The following MYT1L variants were observed in gnomAD, a reference collection of about 807,000 sequenced individuals.
The protein encoded by MYT1L is myelin transcription factor 1-like protein.
Under a neutral mutation model 126.7 loss-of-function variants are expected in MYT1L, and 12 were observed. The ratio of observed to expected loss-of-function variants is 0.09; its 90% confidence interval spans 0.06 to 0.15. MYT1L has a LOEUF of 0.15. MYT1L is among the 10% of genes least tolerant of loss of function. The pLI, the probability that MYT1L is intolerant of heterozygous loss-of-function variation, is 1.00. For synonymous variants in MYT1L, 541 were observed against 604.2 expected (o/e 0.90, Z 1.53); for missense variants, 979 against 1,585.2 (o/e 0.62, Z 6.49).
intron 2 of MYT1L, among the ~76,000 whole-genome samples, chr2:2,243,611 G>C (rs1294387562): frequency 6.6e-6 from 1 of 152,132 alleles, no homozygotes; most frequent in Non-Finnish European, 1.5e-5. Flanking sequence ...AAACACCAGG[G>C]GCCCTGCAGA....
intron 4 of MYT1L, among the ~76,000 whole-genome samples, chr2:2,012,571 G>A (rs2063939942): frequency 6.6e-6 from 1 of 152,120 alleles, no homozygotes; most frequent in Admixed American, 6.5e-5. Flanking sequence ...GCTTATTTGT[G>A]GTTTTCCTTT....
chr2:2,205,236 G>A (rs11678529), intron 2 of MYT1L, among the ~76,000 whole-genome samples: 26,106 of 151,698 alleles, frequency 0.17, 2,400 homozygotes, highest in African/African-American at 0.25. Flanking sequence ...CCTGCACGTT[G>A]TGCACATGTA....
intron 3 of MYT1L, among the ~76,000 whole-genome samples, chr2:2,118,209 C>G (rs1344370639): frequency 1.3e-5 from 2 of 151,638 alleles, no homozygotes; most frequent in Non-Finnish European, 2.9e-5. Context: ...AGGATGGAAT[C>G]AAATGAAGGT....
At chr2:2,023,427 G>C (rs992582589) in intron 4 of MYT1L, among the ~76,000 whole-genome samples, 1 of 152,170 alleles carries the variant, frequency 6.6e-6, no homozygotes, top group Non-Finnish European at 1.5e-5. Flanking sequence ...GAACTCGGCT[G>C]AGCTCCGCCC....
intron 22 of MYT1L, among the ~76,000 whole-genome samples, chr2:1,807,638 T>G (rs1037984455): frequency 1.3e-5 from 2 of 152,072 alleles, no homozygotes; most frequent in South Asian, 2.1e-4. Flanking sequence ...AGGCTGGGCT[T>G]CTGCTGTGAA....
At chr2:2,093,512 C>G (rs1456248250) in intron 3 of MYT1L, among the ~76,000 whole-genome samples, 1 of 151,140 alleles carries the variant, frequency 6.6e-6, no homozygotes, top group Non-Finnish European at 1.5e-5. Flanking sequence ...CTGTTCATAT[C>G]CTTTGCCCAC....
At chr2:2,328,568 A>G (rs951679680) in intron 1 of MYT1L, among the ~76,000 whole-genome samples, 4 of 152,196 alleles carry the variant, frequency 2.6e-5, no homozygotes, top group African/African-American at 9.7e-5. Flanking sequence ...AAATTGGCAT[A>G]AGTTCTGCTG....
chr2:1,854,851 A>G (rs2043708256), intron 18 of MYT1L, among the ~76,000 whole-genome samples: 1 of 152,124 alleles, frequency 6.6e-6, no homozygotes, highest in South Asian at 2.1e-4. Flanking sequence ...ACCCGCCTGC[A>G]TAGGTTCCTG....
At chr2:2,188,705 C>A (rs2092381103) in intron 2 of MYT1L, among the ~76,000 whole-genome samples, 1 of 152,034 alleles carries the variant, frequency 6.6e-6, no homozygotes, top group South Asian at 2.1e-4. Context: ...CTGTCTCGGG[C>A]AGATGCTCAT....
At chr2:1,957,505 C>T (rs1171918857) in intron 8 of MYT1L, among the ~76,000 whole-genome samples, 1 of 152,126 alleles carries the variant, frequency 6.6e-6, no homozygotes, top group South Asian at 2.1e-4. Flanking sequence ...AGCTCCCACT[C>T]ACCTACCTCT....
Position 2,081,274 on chromosome 2 carries a change from C to T in MYT1L, c.-303-27151G>A, listed in dbSNP as rs73911331. ...AGAGAGCAAAGGGAAAATAGGCCCC[C>T]TCTCCTGTTAGTTGCATCTTCAGTT... On this transcript the variant is annotated intron_variant, in intron 3 of 24. Transcript: ENST00000647738. Among the ~76,000 whole-genome samples the T allele has an allele frequency of 8.6e-3, 1,307 of 152,296 alleles. 20 individuals are homozygous for T. Among genetic ancestry groups the T allele is most frequent in the African/African-American group, 0.026 (1,092 of 41,548 alleles).
chr2:2,308,122 G>A (rs868054820), intron 1 of MYT1L, among the ~76,000 whole-genome samples: 10 of 146,994 alleles, frequency 6.8e-5, no homozygotes, highest in East Asian at 2.1e-4. Flanking sequence ...TACACTCTAC[G>A]TATACTTTAC....
intron 8 of MYT1L, among the ~76,000 whole-genome samples, chr2:1,956,296 TATCC>T (rs2058378685): frequency 7.0e-6 from 1 of 142,374 alleles, no homozygotes; most frequent in South Asian, 2.2e-4. Flanking sequence ...ATCATCTATC[TATCC>T]TATTCTATAT....
intron 18 of MYT1L, chr2:1,885,192 G>A (rs536969020): frequency 6.6e-6 from 1 of 152,462 alleles, no homozygotes; most frequent in Admixed American, 6.5e-5. Context: ...CAAGTTCCAA[G>A]TGGAGTTAGT....
intron 4 of MYT1L, among the ~76,000 whole-genome samples, chr2:1,998,795 C>A (rs2062099559): frequency 6.6e-6 from 1 of 152,056 alleles, no homozygotes; most frequent in African/African-American, 2.4e-5. Flanking sequence ...TTACAGAATC[C>A]TCTGTTATGC....
intron 23 of MYT1L, among the ~76,000 whole-genome samples, chr2:1,799,361 A>C (rs2034406861): frequency 6.6e-6 from 1 of 152,158 alleles, no homozygotes; most frequent in Non-Finnish European, 1.5e-5. Flanking sequence ...CTGCGTAGGC[A>C]CATGCGTTGT....
chr2:2,003,723 C>CCGGGCCTCCTCCATGTCTGCA (rs2062653317), intron 4 of MYT1L, among the ~76,000 whole-genome samples: 1 of 152,180 alleles, frequency 6.6e-6, no homozygotes, highest in African/African-American at 2.4e-5. Flanking sequence ...CTTAGGGCTG[C>CCGGGCCTCCTCCATGTCTGCA]CGAGCCTCCT....
chr2:2,078,416 CA>C (rs1220402502), intron 3 of MYT1L, among the ~76,000 whole-genome samples: 2 of 152,078 alleles, frequency 1.3e-5, no homozygotes, highest in African/African-American at 4.8e-5. Flanking sequence ...AACAAACAAA[CA>C]TGATTCAATT....
At chr2:2,298,925 T>C (rs574990602) in intron 1 of MYT1L, among the ~76,000 whole-genome samples, 2 of 152,338 alleles carry the variant, frequency 1.3e-5, no homozygotes, top group East Asian at 3.9e-4. Flanking sequence ...CGATCTCGGC[T>C]CACTGCAACC....
Sources: gnomAD v4.1 joint callset for allele counts (sites outside exome capture counted in the v4.1 genomes callset) on GRCh38, gnomAD v4.1.1 for gene constraint, MANE v1.5 for transcripts, NCBI Gene and HGNC (gene_info 2026-07-23, HGNC 2026-07-21) for gene names.